Variants in ADAMTS19 observed in about 807,000 individuals in gnomAD.
ADAMTS19 encodes A disintegrin and metalloproteinase with thrombospondin motifs 19.
A neutral mutation model predicts 153.3 loss-of-function variants in ADAMTS19; 93 were observed. The ratio of observed to expected loss-of-function variants is 0.61; its 90% CI spans 0.51 to 0.72. The LOEUF is 0.72. Ranked by LOEUF, ADAMTS19 falls within the 30% of genes least tolerant of loss-of-function variation. The probability of loss-of-function intolerance (pLI) is 0.00; values close to 1 mark genes in which losing one functional copy is unlikely to be tolerated. For missense variants in ADAMTS19, 1,482 were observed against 1,552.1 expected, an observed-to-expected ratio of 0.95 and a Z score of 0.76; for synonymous variants, 600 against 556.6, an observed-to-expected ratio of 1.08 and a Z score of -1.10.
At chr5:129,627,943 ATT>A (rs1752125952) in intron 10 of ADAMTS19, among the ~76,000 whole-genome samples, 1 of 152,054 alleles carries the variant, frequency 6.6e-6, no homozygotes, top group African/African-American at 2.4e-5. Context: ...CAGCAATCCC[ATT>A]ACTGAGTATA....
At chr5:129,647,547 G>A (rs934196564) in intron 11 of ADAMTS19, among the ~76,000 whole-genome samples, 3 of 152,046 alleles carry the variant, frequency 2.0e-5, no homozygotes, top group African/African-American at 4.8e-5. Context: ...ACAAATATCT[G>A]CGCACTGCTT....
intron 9 of ADAMTS19, 142 bp downstream of exon 9, chr5:129,620,900 T>C (rs1325849348): frequency 8.9e-6 from 7 of 786,924 alleles, no homozygotes; most frequent in Non-Finnish European, 1.3e-5. Context: ...GGCTTTTCCA[T>C]TAACTCATGG....
Position 129,461,132 on chromosome 5 carries a change from G to A in ADAMTS19, c.122G>A (p.Trp41Ter). ...CAGTTCGCCCCCGACCGCGAGGAGT[G>A]GGAAGTCGTGTTTCCTGCGCTCTGG... ...ELQFAPDREE[W>*]EVVFPALWRR... Residue 41 changes from tryptophan (W) to a stop codon, truncating the protein, a stop_gained, in exon 2 of 23, where the codon TGG (tryptophan) becomes TAG (stop). Transcript: ENST00000274487. LOFTEE classifies it high-confidence loss of function. The surrounding 1 kb of genome is among the most constrained non-coding windows in gnomAD (Gnocchi z 4.6). The A allele has an allele frequency of 7.0e-7, 1 of 1,424,084 alleles. No homozygotes were observed. The allele number at this position is 1,424,084 out of a possible 1,614,324, so 88.2% of individuals were successfully genotyped here. A position where few individuals can be genotyped will look rare whatever the true frequency, so the allele number is the denominator to read the frequency against.
rs150064942 is a variant in ADAMTS19, at chr5:129,551,898, G to A, written c.1363G>A (p.Asp455Asn). 232 of 1,576,936 alleles carry A rather than the reference G, an allele frequency of 1.5e-4. 1 individual carries two copies. In the Middle Eastern group the frequency reaches 1.5e-3, roughly 10 times the overall value. Residue 455 changes from aspartate (D) to asparagine (N), a missense_variant, in exon 7 of 23, where the codon GAT becomes AAT. Around this residue, in one of 2 missense-constraint regions of ADAMTS19, gnomAD observed 866 missense variants for 827.7 expected, o/e 1.05. Transcript: ENST00000274487. ...CTGTGTGCACAAAGATGAACCATGT[G>A]ATACTGTTGGTAAGTGTGAAAATTC... ...DFCVHKDEPC[D>N]TVGIAYLSGM...
At chr5:129,590,376 C>T (rs75959772) in intron 7 of ADAMTS19, among the ~76,000 whole-genome samples, 4,923 of 152,034 alleles carry the variant, frequency 0.032, 252 homozygotes, top group African/African-American at 0.11. Flanking sequence ...GTGTTTTTAG[C>T]GAAAGGGGAT....
At chr5:129,567,053 T>C (rs1753742555) in intron 7 of ADAMTS19, among the ~76,000 whole-genome samples, 1 of 152,092 alleles carries the variant, frequency 6.6e-6, no homozygotes, top group Admixed American at 6.6e-5. Context: ...ACCTCAAAGC[T>C]GTTTACCAAC....
chr5:129,576,903 G>T (rs1009659269), intron 7 of ADAMTS19, among the ~76,000 whole-genome samples: 6 of 152,146 alleles, frequency 3.9e-5, no homozygotes, highest in African/African-American at 1.4e-4. Flanking sequence ...AGCTTGTACT[G>T]CTGAAGACAC....
intron 4 of ADAMTS19, 113 bp from the exon 5 acceptor site, chr5:129,527,631 TTTAA>T (rs930505310): frequency 3.0e-5 from 8 of 265,584 alleles, no homozygotes; most frequent in African/African-American, 1.6e-4. Context: ...TTTTTTTTTT[TTTAA>T]AAAAAAAAAA....
At chr5:129,696,767 A>G (rs1295672319) in intron 19 of ADAMTS19, among the ~76,000 whole-genome samples, 1 of 152,160 alleles carries the variant, frequency 6.6e-6, no homozygotes, top group Non-Finnish European at 1.5e-5. Flanking sequence ...CTGATTGGCT[A>G]TTGGTTGAGG....
At chr5:129,689,171 C>G (rs1755221697) in intron 18 of ADAMTS19, among the ~76,000 whole-genome samples, 1 of 152,062 alleles carries the variant, frequency 6.6e-6, no homozygotes, top group Non-Finnish European at 1.5e-5. Context: ...CTAAGCAGAT[C>G]TACTTTGAAG....
chr5:129,587,328 G>A (rs963353591), intron 7 of ADAMTS19, among the ~76,000 whole-genome samples: 2 of 150,812 alleles, frequency 1.3e-5, no homozygotes, highest in African/African-American at 4.9e-5. Context: ...ACTTTTACTC[G>A]ATGTTCTTTT....
rs187912169 is a variant in ADAMTS19, at chr5:129,466,997, T to G, written c.747+5240T>G. Among the ~76,000 whole-genome samples, 734 of 152,346 alleles carry G rather than the reference T, an allele frequency of 4.8e-3. 4 individuals are homozygous for G. The highest frequency in any genetic ancestry group is 6.8e-3 in the Non-Finnish European group (462 of 68,026). On this transcript the variant is annotated intron_variant, in intron 2 of 22. Transcript: ENST00000274487. ...TCATTTCAAAATTATAGCAAAATTT[T>G]TAAACAACTTTCTTATTTTTCCAAA...
chr5:129,517,634 C>A (rs10078966), intron 3 of ADAMTS19, among the ~76,000 whole-genome samples: 42,805 of 151,544 alleles, frequency 0.28, 8,378 homozygotes, highest in African/African-American at 0.56. Context: ...ATTGGCCTGG[C>A]ATATCTCTTT....
At chr5:129,495,365 G>A (rs781626331) in intron 2 of ADAMTS19, among the ~76,000 whole-genome samples, 40 of 151,934 alleles carry the variant, frequency 2.6e-4, no homozygotes, top group African/African-American at 6.8e-4. Context: ...GCATTCATAC[G>A]CTACAGAACA....
rs371533587 is a variant in ADAMTS19, at chr5:129,693,229, A to G, written c.2819-1491A>G. On this transcript the variant is annotated intron_variant, in intron 18 of 22. Transcript: ENST00000274487. The stretch of plus-strand genomic sequence containing the variant: ...CTTAGCCAACCAGTTGCCTCTTACC[A>G]TCTCCCATTCAAACTAAAGTAAAAT... Among the ~76,000 whole-genome samples, 59 of 152,270 alleles carry G rather than the reference A, an allele frequency of 3.9e-4. 1 individual carries two copies. In the South Asian group the frequency reaches 0.012, roughly 31 times the overall value.
At chr5:129,535,312 T>A (rs1349131973) in intron 6 of ADAMTS19, among the ~76,000 whole-genome samples, 2 of 152,146 alleles carry the variant, frequency 1.3e-5, no homozygotes, top group Non-Finnish European at 2.9e-5. Flanking sequence ...CATTCACAAT[T>A]GGCTTGAAAG....
intron 2 of ADAMTS19, among the ~76,000 whole-genome samples, chr5:129,463,057 T>A (rs534188252): frequency 2.2e-4 from 33 of 152,306 alleles, no homozygotes; most frequent in East Asian, 1.9e-4. Flanking sequence ...TTGAAAAAAA[T>A]TGGCATGGAA....
intron 2 of ADAMTS19, among the ~76,000 whole-genome samples, chr5:129,490,002 A>G (rs1305327212): frequency 6.6e-6 from 1 of 152,230 alleles, no homozygotes; most frequent in East Asian, 1.9e-4. Context: ...GTACTTTGGA[A>G]TTAATTAAAT....
In ADAMTS19 at chr5:129,615,394, T is replaced by G. The variant is rs529649020; in HGVS notation, c.1479-5224T>G. ...CTGTAGATCATTGCTTTCCAGAATT[T>G]TAAGTAAATAAGAATCATCTAAAAA... On this transcript the variant is annotated intron_variant, in intron 8 of 22. Transcript: ENST00000274487. Among the ~76,000 whole-genome samples the G allele has an allele frequency of 6.6e-5, 10 of 152,122 alleles. 1 individual carries two copies. The highest frequency in any genetic ancestry group is 2.4e-4 in the African/African-American group (10 of 41,556).
Sources: gnomAD v4.1 joint callset for allele counts (sites outside exome capture counted in the v4.1 genomes callset) on GRCh38, gnomAD v4.1.1 for gene constraint, gnomAD v4.1.1 regional missense constraint, Gnocchi (gnomAD v3.1) non-coding constraint, MANE v1.5 for transcripts, NCBI Gene and HGNC (gene_info 2026-07-23, HGNC 2026-07-21) for gene names.